The following LUZP2 variants were observed in gnomAD, a reference collection of about 807,000 sequenced individuals.
LUZP2 encodes leucine zipper protein 2.
LUZP2 carries 52 observed loss-of-function variants against 51.6 expected under a neutral mutation model. That is an observed-to-expected ratio of 1.01 (90% CI 0.81 to 1.27). The LOEUF (loss-of-function observed/expected upper bound fraction) is 1.27, where lower values mean the gene tolerates loss of function less well. Ranked by LOEUF, LUZP2 falls within the 50% of genes most tolerant of loss-of-function variation. LUZP2 has a pLI of 0.00. For missense variants in LUZP2, 436 were observed against 395.4 expected (o/e 1.10, Z -0.87); for synonymous variants, 154 against 137.3 (o/e 1.12, Z -0.85).
chr11:24,840,861 TTTACCATCCAAAATA>T (rs1293329673), intron 5 of LUZP2, among the ~76,000 whole-genome samples: 11 of 152,124 alleles, frequency 7.2e-5, no homozygotes, highest in African/African-American at 2.6e-4. Context: ...GAGCCACAAA[TTTACCATCCAAAATA>T]TTCAATGCTA....
chr11:24,639,078 T>C (rs936181218), intron 1 of LUZP2, among the ~76,000 whole-genome samples: 34 of 151,802 alleles, frequency 2.2e-4, no homozygotes, highest in African/African-American at 8.3e-4. Flanking sequence ...TTTTTGGACA[T>C]TTCTTCATTT....
At chr11:24,740,078 A>G (rs1859078393) in intron 4 of LUZP2, among the ~76,000 whole-genome samples, 1 of 152,152 alleles carries the variant, frequency 6.6e-6, no homozygotes, top group African/African-American at 2.4e-5. Flanking sequence ...GAGTTTCTTC[A>G]TAGCCTAATG....
At chr11:24,664,422 T>C (rs988740523) in intron 1 of LUZP2, among the ~76,000 whole-genome samples, 2 of 152,190 alleles carry the variant, frequency 1.3e-5, no homozygotes, top group South Asian at 4.1e-4. Flanking sequence ...AAACCCATTT[T>C]CTGGGGAGAA....
intron 5 of LUZP2, among the ~76,000 whole-genome samples, chr11:24,865,805 T>C (rs1851876293): frequency 1.3e-5 from 2 of 150,898 alleles, no homozygotes; most frequent in Admixed American, 1.3e-4. Context: ...TGTGTATATA[T>C]AATTTATGTA....
Position 24,599,866 on chromosome 11 carries a change from A to G in LUZP2, c.62+102561A>G, listed in dbSNP as rs145826417. ...TTCATATGGCTTGTGTAACATTGCA[A>G]TTTTTCACGACTCAAAGTTCTTTGC... is the stretch of plus-strand genomic sequence containing the variant. On this transcript the variant is annotated intron_variant, in intron 1 of 11. Transcript: ENST00000336930. Among the ~76,000 whole-genome samples, 3 of 152,256 alleles carry G rather than the reference A, an allele frequency of 2.0e-5. No individual in the cohort carries two copies. In the East Asian group the frequency reaches 5.8e-4, roughly 29 times the overall value.
intron 5 of LUZP2, among the ~76,000 whole-genome samples, chr11:24,848,931 AC>A (rs1851294479): frequency 6.6e-6 from 1 of 152,114 alleles, no homozygotes. Flanking sequence ...GAAAGAGCAT[AC>A]CTCAAAATAA....
chr11:24,617,551 T>G (rs1345299255), intron 1 of LUZP2, among the ~76,000 whole-genome samples: 1 of 152,242 alleles, frequency 6.6e-6, no homozygotes, highest in Non-Finnish European at 1.5e-5. Context: ...CCGGGGGCCG[T>G]GGCTCACGCC....
intron 1 of LUZP2, among the ~76,000 whole-genome samples, chr11:24,622,019 C>T (rs554317743): frequency 3.9e-5 from 6 of 152,000 alleles, no homozygotes; most frequent in Non-Finnish European, 8.8e-5. Context: ...CAGCTCACTG[C>T]AGCCTCTGCT....
intron 1 of LUZP2, among the ~76,000 whole-genome samples, chr11:24,694,271 A>G (rs1857170430): frequency 6.6e-6 from 1 of 151,808 alleles, no homozygotes; most frequent in African/African-American, 2.4e-5. Context: ...TCAAGGATTT[A>G]TTTTGTTTTC....
chr11:24,637,763 CCT>C (rs1280453604), intron 1 of LUZP2, among the ~76,000 whole-genome samples: 1 of 151,722 alleles, frequency 6.6e-6, no homozygotes, highest in Non-Finnish European at 1.5e-5. Flanking sequence ...GCTCTTGCAC[CCT>C]GTTTCCTGAA....
intron 1 of LUZP2, among the ~76,000 whole-genome samples, chr11:24,628,802 G>T (rs371416600): frequency 1.3e-5 from 2 of 151,978 alleles, no homozygotes; most frequent in Non-Finnish European, 2.9e-5. Context: ...CAAGTGATCC[G>T]CTCATTTTGC....
intron 5 of LUZP2, among the ~76,000 whole-genome samples, chr11:24,850,799 G>A (rs1364152020): frequency 6.6e-6 from 1 of 152,098 alleles, no homozygotes; most frequent in East Asian, 1.9e-4. Flanking sequence ...ATTTCCTTGA[G>A]CAGTGGTTTG....
intron 1 of LUZP2, among the ~76,000 whole-genome samples, chr11:24,584,708 A>C (rs1331371025): frequency 6.6e-6 from 1 of 152,168 alleles, no homozygotes; most frequent in African/African-American, 2.4e-5. Flanking sequence ...ATTAGTATCC[A>C]TGGCACCTAC....
chr11:24,727,501 G>A (rs1858523829), intron 1 of LUZP2, among the ~76,000 whole-genome samples: 1 of 151,978 alleles, frequency 6.6e-6, no homozygotes, highest in Admixed American at 6.6e-5. Context: ...TAATATGACA[G>A]CATATATAAT....
At chr11:24,769,681 C>G (rs1254529634) in intron 5 of LUZP2, among the ~76,000 whole-genome samples, 1 of 133,102 alleles carries the variant, frequency 7.5e-6, no homozygotes, top group Non-Finnish European at 1.6e-5. Flanking sequence ...TTATTTTCTT[C>G]TATGGTGGTC....
chr11:24,706,418 T>C (rs988199277), intron 1 of LUZP2, among the ~76,000 whole-genome samples: 1 of 152,134 alleles, frequency 6.6e-6, no homozygotes, highest in Non-Finnish European at 1.5e-5. Flanking sequence ...AAGAAGCAAA[T>C]CCAGTGTCTA....
intron 5 of LUZP2, among the ~76,000 whole-genome samples, chr11:24,866,051 C>T (rs932775636): frequency 6.6e-6 from 1 of 151,204 alleles, no homozygotes; most frequent in Admixed American, 6.6e-5. Context: ...TCGAGTGATC[C>T]GTTCACCTCA....
chr11:24,981,268 T>C (rs1193689953), intron 8 of LUZP2, among the ~76,000 whole-genome samples: 5 of 151,800 alleles, frequency 3.3e-5, no homozygotes, highest in African/African-American at 1.2e-4. Context: ...AATTCGGACC[T>C]GAGGGTTTCC....
chr11:24,786,349 T>C (rs1452492220), intron 5 of LUZP2: 1 of 982,296 alleles, frequency 1.0e-6, no homozygotes. Context: ...CATGGGCATA[T>C]CTAATAAATA....
Sources: allele counts gnomAD v4.1 joint callset (sites outside exome capture counted in the v4.1 genomes callset), GRCh38; gene constraint gnomAD v4.1.1; transcripts MANE v1.5; gene names NCBI Gene and HGNC (gene_info 2026-07-23, HGNC 2026-07-21).